TK2: variants seen among roughly 807,000 people sequenced by gnomAD.
TK2 encodes the protein thymidine kinase 2.
Under a neutral mutation model 41.9 loss-of-function variants are expected in TK2, and 35 were observed. That is an observed-to-expected ratio of 0.84 (90% confidence interval 0.64 to 1.11). The LOEUF (loss-of-function observed/expected upper bound fraction) is 1.11. Among genes scored for constraint, TK2 ranks in the 50% least tolerant of loss-of-function variants. The pLI is 0.00. For missense variants in TK2, 320 were observed against 351.1 expected, an observed-to-expected ratio of 0.91 and a Z score of 0.71; for synonymous variants, 128 against 129.1, an observed-to-expected ratio of 0.99 and a Z score of 0.06.
At chr16:66,524,214 C>G (rs962277479) in intron 6 of TK2, among the ~76,000 whole-genome samples, 4 of 152,210 alleles carry the variant, frequency 2.6e-5, no homozygotes, top group Non-Finnish European at 5.9e-5. Flanking sequence ...GGCTCTTGTT[C>G]TTATGACCCC....
At chr16:66,541,081 C>T (rs1965442717) in intron 3 of TK2, among the ~76,000 whole-genome samples, 1 of 152,210 alleles carries the variant, frequency 6.6e-6, no homozygotes, top group South Asian at 2.1e-4. Flanking sequence ...TTAACACAAA[C>T]TTGTTTCATT....
intron 5 of TK2, 36 bp downstream of exon 5, chr16:66,531,344 G>T: frequency 6.2e-7 from 1 of 1,604,094 alleles, no homozygotes; most frequent in Non-Finnish European, 8.5e-7. Flanking sequence ...TGAAGAAAAC[G>T]TTTAAGAAGG....
At chr16:66,533,925 G>A (rs1019569939) in intron 4 of TK2, among the ~76,000 whole-genome samples, 9 of 149,162 alleles carry the variant, frequency 6.0e-5, no homozygotes, top group African/African-American at 2.0e-4. Context: ...GGAGAATGGC[G>A]CGAACCCAGG....
intron 4 of TK2, among the ~76,000 whole-genome samples, chr16:66,531,879 C>G (rs1965125539): frequency 6.6e-6 from 1 of 152,100 alleles, no homozygotes; most frequent in African/African-American, 2.4e-5. Context: ...CATGTTCTCA[C>G]TTTAAGTGGA....
rs762709387 is a variant in TK2 at position 66,549,981 on chromosome 16, T to G, written c.81A>C (p.Ser27=). ...GCTGCACCCTCCGCGGCCCGGGGCC[T>G]GAGGCCGGGCTCCCGCGACTTCCCG... is the stretch of plus-strand genomic sequence containing the variant. ...FGPGSRGSPA[S]GPGPRRVQRR... is the part of the protein sequence containing the mutation. Residue 27 remains serine (S), a synonymous_variant, in exon 1 of 10, where the codon TCA becomes TCC. Coordinates refer to ENST00000544898, the MANE Select transcript of TK2 (RefSeq NM_004614.5). 3 of 1,504,014 alleles carry G rather than the reference T, an allele frequency of 2.0e-6. No individual in the cohort carries two copies. The East Asian group carries it at 7.9e-5, about 39-fold the overall frequency. The allele number at this position is 1,504,014 out of a possible 1,614,324, so 93.2% of individuals were successfully genotyped here.
chr16:66,543,463 G>A (rs1202057422), intron 2 of TK2, among the ~76,000 whole-genome samples: 1 of 152,152 alleles, frequency 6.6e-6, no homozygotes, highest in East Asian at 1.9e-4. Context: ...ATGGCCACAG[G>A]GAACGGGCAG....
Position 66,510,541 on chromosome 16 carries a change from C to T in TK2, c.*1427G>A, listed in dbSNP as rs912849882. On this transcript the variant is annotated 3_prime_UTR_variant, in exon 10 of 10. Coordinates refer to ENST00000544898, the MANE Select transcript of TK2 (RefSeq NM_004614.5). ...ACTGGCCCAGCAGGGGCACTTGGCA[C>T]CTCTGCAGAGTCGGAGCATTGCATG... 1 of 152,274 alleles carries T rather than the reference C, an allele frequency of 6.6e-6. No individual in the cohort carries two copies. The highest frequency in any genetic ancestry group is 2.1e-4 in the South Asian group (1 of 4,836). The allele number at this position is 152,274 out of a possible 1,614,324, so 9.4% of individuals were successfully genotyped here.
chr16:66,539,925 G>A (rs745377298), intron 3 of TK2, among the ~76,000 whole-genome samples: 3 of 152,152 alleles, frequency 2.0e-5, no homozygotes, highest in Non-Finnish European at 4.4e-5. Flanking sequence ...ACTGTTTGCA[G>A]AAACAATTTA....
At chr16:66,539,814 T>C (rs1965403222) in intron 3 of TK2, among the ~76,000 whole-genome samples, 1 of 151,794 alleles carries the variant, frequency 6.6e-6, no homozygotes, top group Admixed American at 6.6e-5. Flanking sequence ...AACCTGGGAG[T>C]TCAGGGTTTT....
rs925162784 is a variant in TK2 at position 66,518,191 on chromosome 16, T to A, written c.450-314A>T. 1.0e-5 allele frequency: 4 copies of A among 393,062 alleles called. No homozygotes were observed. In the Admixed American group the frequency reaches 1.5e-4, roughly 14 times the overall value. 24.3% of individuals were successfully genotyped at this position (393,062 alleles called of 1,614,324 possible). ...TGTACCCTGAGAACAGAGACAGTGC[T>A]CAGGTTAGGCAATGAATCAGCAAAC... On this transcript the variant is annotated intron_variant, in intron 6 of 9. Transcript: ENST00000544898.
chr16:66,512,147 A>G, intron 9 of TK2, 81 bp from the exon 10 acceptor site: 1 of 1,299,022 alleles, frequency 7.7e-7, no homozygotes. Context: ...AGACAGATGG[A>G]AGCAGGCAGC....
In TK2 at chr16:66,529,054, C is replaced by T. The variant is rs281865492; in HGVS notation, c.389G>A (p.Arg130Gln). Residue 130 changes from arginine (R) to glutamine (Q), a missense_variant, in exon 6 of 10, where the codon CGG (arginine) becomes CAG (glutamine). Arg to Gln is a conservative substitution (Grantham distance 43, BLOSUM62 1). Coordinates refer to ENST00000544898, the MANE Select transcript of TK2 (RefSeq NM_004614.5). ...RHTRPQVSSV[R>Q]LMERSIHSAR... ...GCTGTGAATCGACCTCTCCATCAAC[C>T]GTACAGATGACACCTAAAGGAAAAC... 5.0e-6 allele frequency: 8 copies of T among 1,614,042 alleles called. No individual in the cohort carries two copies. Among genetic ancestry groups the T allele is most frequent in the Non-Finnish European group, 6.8e-6 (8 of 1,180,026 alleles).
At chr16:66,529,740 C>G (rs577136570) in intron 5 of TK2, among the ~76,000 whole-genome samples, 2 of 152,208 alleles carry the variant, frequency 1.3e-5, no homozygotes, top group Non-Finnish European at 2.9e-5. Flanking sequence ...CCCACAGCAC[C>G]CATGGGACCT....
At chr16:66,540,506 A>C (rs1242220669) in intron 3 of TK2, among the ~76,000 whole-genome samples, 1 of 152,180 alleles carries the variant, frequency 6.6e-6, no homozygotes, top group East Asian at 1.9e-4. Flanking sequence ...AAAAACAGGA[A>C]AGGAAGGGAA....
chr16:66,545,183 GTATT>G (rs1965570570), intron 2 of TK2, among the ~76,000 whole-genome samples: 1 of 151,606 alleles, frequency 6.6e-6, no homozygotes, highest in South Asian at 2.1e-4. Context: ...ATGCATATAT[GTATT>G]TATCAGTTGG....
chr16:66,536,509 T>C (rs1418989547), intron 4 of TK2, among the ~76,000 whole-genome samples: 2 of 152,114 alleles, frequency 1.3e-5, no homozygotes, highest in Non-Finnish European at 2.9e-5. Context: ...GGCTGGTGGC[T>C]TCCAGGTAAG....
At chr16:66,522,402 C>A (rs1423549314) in intron 6 of TK2, among the ~76,000 whole-genome samples, 1 of 152,222 alleles carries the variant, frequency 6.6e-6, no homozygotes, top group Non-Finnish European at 1.5e-5. Context: ...CGAGCTGGGT[C>A]CCACTCCACG....
chr16:66,528,712 C>T (rs1265347265), intron 6 of TK2, among the ~76,000 whole-genome samples: 1 of 152,194 alleles, frequency 6.6e-6, no homozygotes, highest in Non-Finnish European at 1.5e-5. Context: ...CCTCCAGTCA[C>T]CCTTGCTTAG....
intron 5 of TK2, 37 bp from the exon 6 acceptor site, chr16:66,529,104 GA>G: frequency 1.2e-6 from 2 of 1,601,110 alleles, no homozygotes. Flanking sequence ...TAACTCAGGG[GA>G]AAAGGAGACA....
Sources: gnomAD v4.1 joint callset for allele counts (sites outside exome capture counted in the v4.1 genomes callset) on GRCh38, gnomAD v4.1.1 for gene constraint, MANE v1.5 for transcripts, NCBI Gene and HGNC (gene_info 2026-07-23, HGNC 2026-07-21) for gene names.